The following PCDH15 variants were observed in gnomAD, a reference collection of about 807,000 sequenced individuals.
PCDH15 encodes protocadherin related 15.
A neutral mutation model predicts 178.5 loss-of-function variants in PCDH15; 129 were observed. The ratio of observed to expected loss-of-function variants is 0.72; its 90% CI spans 0.63 to 0.84. The LOEUF (loss-of-function observed/expected upper bound fraction) is 0.84, where lower values mean the gene tolerates loss of function less well. Among genes scored for constraint, PCDH15 ranks in the 40% least tolerant of loss-of-function variants. PCDH15 has a pLI of 0.00. For missense variants in PCDH15, 2,230 were observed against 2,099.9 expected (o/e 1.06, Z -1.21); for synonymous variants, 800 against 732.0 (o/e 1.09, Z -1.50).
At chr10:53,954,662 C>A (rs1333360887) in intron 23 of PCDH15, among the ~76,000 whole-genome samples, 2 of 152,140 alleles carry the variant, frequency 1.3e-5, no homozygotes, top group African/African-American at 4.8e-5. Context: ...AATATTCAAC[C>A]TTTAGCTTGA....
intron 2 of PCDH15, among the ~76,000 whole-genome samples, chr10:54,648,016 C>A (rs1412485747): frequency 6.6e-6 from 1 of 152,112 alleles, no homozygotes; most frequent in East Asian, 1.9e-4. Flanking sequence ...TCTCCAAACT[C>A]AGTTTCCTTT....
chr10:54,067,314 G>C (rs1166764752), intron 17 of PCDH15, among the ~76,000 whole-genome samples: 1 of 152,004 alleles, frequency 6.6e-6, no homozygotes, highest in Non-Finnish European at 1.5e-5. Context: ...AAAATAGCAT[G>C]GTACATCAAA....
At chr10:55,504,096 T>C (rs1440379118) in intron 2 of PCDH15, among the ~76,000 whole-genome samples, 1 of 151,440 alleles carries the variant, frequency 6.6e-6, no homozygotes, top group Non-Finnish European at 1.5e-5. Context: ...GATGAATACA[T>C]GTTATACCTT....
At chr10:54,690,990 T>G (rs776300259) in intron 1 of PCDH15, among the ~76,000 whole-genome samples, 1 of 152,046 alleles carries the variant, frequency 6.6e-6, no homozygotes, top group Non-Finnish European at 1.5e-5. Flanking sequence ...CCCTAAAAAC[T>G]TCTTATATGG....
intron 2 of PCDH15, among the ~76,000 whole-genome samples, chr10:54,643,553 T>C (rs2135023364): frequency 6.6e-6 from 1 of 152,292 alleles, no homozygotes; most frequent in East Asian, 1.9e-4. Context: ...ATTATCATTT[T>C]GCCTTTTGTA....
rs7896093 is a variant in PCDH15, at chr10:53,804,595, C to T, written c.*1984G>A. The T allele has an allele frequency of 0.39, 59,187 of 151,730 alleles. 14,081 individuals carry two copies. Among genetic ancestry groups the T allele is most frequent in the East Asian group, 0.93 (4,827 of 5,166 alleles). 9.4% of individuals were successfully genotyped at this position (151,730 alleles called of 1,614,324 possible). A position where few individuals can be genotyped will look rare whatever the true frequency, so the allele number is the denominator to read the frequency against. On this transcript the variant is annotated 3_prime_UTR_variant, in exon 38 of 38. Coordinates refer to ENST00000644397, the MANE Select transcript of PCDH15 (RefSeq NM_001384140.1). Reference sequence around the variant, plus strand: ...ACAGCCAGAAATCAAAGGACAAAAACGCAGCCATGAAGCTGTATATAGAGA... The same window carrying T: ...ACAGCCAGAAATCAAAGGACAAAAATGCAGCCATGAAGCTGTATATAGAGA...
intron 8 of PCDH15, among the ~76,000 whole-genome samples, chr10:54,294,819 A>T (rs1329323182): frequency 6.6e-6 from 1 of 152,218 alleles, no homozygotes; most frequent in Non-Finnish European, 1.5e-5. Context: ...TTTAACTCAT[A>T]TTATTTTTGA....
intron 1 of PCDH15, among the ~76,000 whole-genome samples, chr10:54,766,134 CA>C (rs1948486420): frequency 6.6e-6 from 1 of 151,840 alleles, no homozygotes; most frequent in African/African-American, 2.4e-5. Flanking sequence ...AATACAGCAA[CA>C]ATAAAAATAG....
intron 2 of PCDH15, among the ~76,000 whole-genome samples, chr10:54,646,309 A>T (rs2094129072): frequency 6.6e-6 from 1 of 152,132 alleles, no homozygotes; most frequent in African/African-American, 2.4e-5. Flanking sequence ...TGAAAGGCTG[A>T]CTTTCACAGA....
At chr10:55,034,104 T>A (rs1840678801) in intron 2 of PCDH15, among the ~76,000 whole-genome samples, 1 of 152,170 alleles carries the variant, frequency 6.6e-6, no homozygotes, top group African/African-American at 2.4e-5. Context: ...TTGTTTTGCT[T>A]TTATAAATTA....
At chr10:54,455,489 G>T (rs1302202050) in intron 3 of PCDH15, among the ~76,000 whole-genome samples, 1 of 152,280 alleles carries the variant, frequency 6.6e-6, no homozygotes, top group South Asian at 2.1e-4. Flanking sequence ...AGGAGTTGGA[G>T]TATAGGTCAC....
chr10:54,967,478 A>T (rs985758395), intron 2 of PCDH15, among the ~76,000 whole-genome samples: 3 of 152,116 alleles, frequency 2.0e-5, no homozygotes, highest in Non-Finnish European at 2.9e-5. Context: ...ATTACATATA[A>T]ATAAAAGTAT....
chr10:53,871,653 A>AATTGTAAC (rs1180345377), intron 26 of PCDH15, among the ~76,000 whole-genome samples: 3 of 152,084 alleles, frequency 2.0e-5, no homozygotes, highest in Non-Finnish European at 4.4e-5. Context: ...ATTATCACAC[A>AATTGTAAC]ATTGTAACTC....
intron 1 of PCDH15, among the ~76,000 whole-genome samples, chr10:55,217,388 G>T (rs80074854): frequency 0.017 from 2,599 of 151,880 alleles, 47 homozygotes; most frequent in African/African-American, 0.033. Flanking sequence ...AGTGTACGTT[G>T]CTTGGTCATA....
intron 20 of PCDH15, among the ~76,000 whole-genome samples, chr10:53,998,263 A>G (rs2091951615): frequency 6.6e-6 from 1 of 152,206 alleles, no homozygotes; most frequent in Admixed American, 6.5e-5. Flanking sequence ...GGTCTCAACA[A>G]AAAATAGTTT....
intron 13 of PCDH15, among the ~76,000 whole-genome samples, chr10:54,161,887 T>C (rs558816103): frequency 2.0e-5 from 3 of 152,118 alleles, no homozygotes; most frequent in Admixed American, 6.6e-5. Flanking sequence ...TATCTCCCAT[T>C]CTCCTCAGCT....
chr10:54,386,644 G>T (rs187041402), intron 3 of PCDH15, among the ~76,000 whole-genome samples: 1 of 152,088 alleles, frequency 6.6e-6, no homozygotes, highest in Non-Finnish European at 1.5e-5. Flanking sequence ...ATTGAAAAGT[G>T]TGTAAAGAAC....
Position 54,345,974 on chromosome 10 carries a change from A to G in PCDH15, c.594+391T>C, listed in dbSNP as rs552332293. ...AGAAGTTTAAAGGCTTATCAACTCC[A>G]GCAATACTTGGTGTGTGTTCTTGAG... is the stretch of plus-strand genomic sequence containing the variant. On this transcript the variant is annotated intron_variant, in intron 6 of 37. Coordinates refer to ENST00000644397, the MANE Select transcript of PCDH15 (RefSeq NM_001384140.1). Among the ~76,000 whole-genome samples, 4 of 152,218 alleles carry G rather than the reference A, an allele frequency of 2.6e-5. No individual in the cohort carries two copies. The South Asian group carries it at 8.3e-4, about 32-fold the overall frequency.
intron 13 of PCDH15, among the ~76,000 whole-genome samples, chr10:54,170,748 G>T (rs1156742401): frequency 6.6e-6 from 1 of 151,846 alleles, no homozygotes; most frequent in African/African-American, 2.4e-5. Context: ...ATTGATGGCG[G>T]TTCCACCAGG....
Sources: gnomAD v4.1 joint callset for allele counts (sites outside exome capture counted in the v4.1 genomes callset) on GRCh38, gnomAD v4.1.1 for gene constraint, MANE v1.5 for transcripts, NCBI Gene and HGNC (gene_info 2026-07-23, HGNC 2026-07-21) for gene names.